The following SLC14A2 variants were observed in gnomAD, a reference collection of about 807,000 sequenced individuals.
The protein encoded by SLC14A2 is solute carrier family 14 member 2.
In SLC14A2, 91 loss-of-function variants were observed where a neutral mutation model predicts 104.6. The ratio of observed to expected loss-of-function variants is 0.87; its 90% CI spans 0.73 to 1.04. The LOEUF (loss-of-function observed/expected upper bound fraction) is 1.04. SLC14A2 is among the 50% of genes least tolerant of loss of function. SLC14A2 has a pLI of 0.00. For missense variants in SLC14A2, 1,189 were observed against 1,156.0 expected, an observed-to-expected ratio of 1.03 and a Z score of -0.41; for synonymous variants, 476 against 466.4, an observed-to-expected ratio of 1.02 and a Z score of -0.27.
chr18:45,191,803 A>G, the SLC14A2 span, among the ~76,000 whole-genome samples: 1 of 152,152 alleles, frequency 6.6e-6, no homozygotes. Context: ...AGTAATTGGG[A>G]GAAACCAGGT....
intron 1 of SLC14A2, among the ~76,000 whole-genome samples, chr18:45,306,227 C>T (rs1034358427): frequency 6.6e-6 from 1 of 152,174 alleles, no homozygotes; most frequent in Non-Finnish European, 1.5e-5. Context: ...GCAAGATGCA[C>T]AGCTCAGATT....
intron 1 of SLC14A2, among the ~76,000 whole-genome samples, chr18:45,229,132 A>G (rs1438647452): frequency 6.6e-6 from 1 of 152,304 alleles, no homozygotes; most frequent in East Asian, 1.9e-4. Flanking sequence ...AGACAAGCAC[A>G]CATCCTCAAT....
intron 1 of SLC14A2, among the ~76,000 whole-genome samples, chr18:45,619,609 G>A (rs2045132515): frequency 6.6e-6 from 1 of 152,168 alleles, no homozygotes; most frequent in Non-Finnish European, 1.5e-5. Context: ...AGGAGAGTCT[G>A]AGTGCGCCAA....
At chr18:45,358,052 C>T (rs937773296) in intron 1 of SLC14A2, among the ~76,000 whole-genome samples, 2 of 152,136 alleles carry the variant, frequency 1.3e-5, no homozygotes, top group African/African-American at 4.8e-5. Context: ...GAGAGAGAGG[C>T]AGAGCAGAGA....
chr18:45,374,702 A>G (rs34797783), intron 1 of SLC14A2, among the ~76,000 whole-genome samples: 3,459 of 152,268 alleles, frequency 0.023, 51 homozygotes, highest in Middle Eastern at 0.027. Flanking sequence ...GGATTATTTT[A>G]CTTTGTACAA....
At chr18:45,499,200 A>G (rs1292458610) in intron 2 of SLC14A2, among the ~76,000 whole-genome samples, 1 of 152,226 alleles carries the variant, frequency 6.6e-6, no homozygotes, top group Non-Finnish European at 1.5e-5. Context: ...GCAATGTTAG[A>G]GTCTCCCCAA....
chr18:45,273,887 GA>G (rs1326060805), intron 1 of SLC14A2, among the ~76,000 whole-genome samples: 6 of 152,078 alleles, frequency 3.9e-5, no homozygotes, highest in Non-Finnish European at 7.4e-5. Flanking sequence ...GAAGGGTGAA[GA>G]AAATTTAGAT....
intron 2 of SLC14A2, among the ~76,000 whole-genome samples, chr18:45,598,989 C>T (rs1452379736): frequency 3.3e-5 from 5 of 152,080 alleles, no homozygotes; most frequent in East Asian, 3.8e-4. Context: ...AATCATGTGC[C>T]GGTATATGCA....
chr18:45,398,620 T>C (rs2086062203), intron 1 of SLC14A2, among the ~76,000 whole-genome samples: 1 of 152,066 alleles, frequency 6.6e-6, no homozygotes, highest in Non-Finnish European at 1.5e-5. Flanking sequence ...TCAGCCACAA[T>C]AAGGAATGAA....
intron 1 of SLC14A2, among the ~76,000 whole-genome samples, chr18:45,345,076 A>G (rs1405475308): frequency 6.6e-6 from 1 of 152,136 alleles, no homozygotes; most frequent in African/African-American, 2.4e-5. Context: ...GAGTTTCACC[A>G]TGTTCTGCCC....
intron 1 of SLC14A2, among the ~76,000 whole-genome samples, chr18:45,622,805 G>A (rs2045196062): frequency 1.3e-5 from 2 of 152,182 alleles, no homozygotes; most frequent in South Asian, 2.1e-4. Flanking sequence ...AGGCCTTAGA[G>A]ACCACAGCAA....
At chr18:45,250,501 T>C (rs987994710) in intron 1 of SLC14A2, among the ~76,000 whole-genome samples, 1 of 152,178 alleles carries the variant, frequency 6.6e-6, no homozygotes, top group Non-Finnish European at 1.5e-5. Context: ...TGACTCTTGT[T>C]TTCTCTCTCA....
Position 45,470,229 on chromosome 18 carries a change from T to G in SLC14A2, c.-124-13004T>G, listed in dbSNP as rs199743262. ...TTGTGTCATTTACTGTTTTGAGCCC[T>G]GTACTCAACCTGTCTGATACATGCC... On this transcript the variant is annotated intron_variant, in intron 1 of 20. Transcript: ENST00000586448. Among the ~76,000 whole-genome samples the G allele has an allele frequency of 3.3e-5, 5 of 152,342 alleles. No homozygotes were observed. In the East Asian group the frequency reaches 9.6e-4, roughly 29 times the overall value.
intron 1 of SLC14A2, among the ~76,000 whole-genome samples, chr18:45,464,041 C>T (rs939419025): frequency 2.0e-5 from 3 of 152,166 alleles, no homozygotes; most frequent in South Asian, 2.1e-4. Flanking sequence ...GATACAAGAA[C>T]GCTAACGCCT....
At chr18:45,215,264 T>A (rs2143976507) in intron 1 of SLC14A2, among the ~76,000 whole-genome samples, 1 of 152,352 alleles carries the variant, frequency 6.6e-6, no homozygotes, top group South Asian at 2.1e-4. Flanking sequence ...TGTGCTGAGT[T>A]CTATTGTTAA....
intron 2 of SLC14A2, among the ~76,000 whole-genome samples, chr18:45,589,659 G>A (rs1460252297): frequency 1.3e-5 from 2 of 152,142 alleles, no homozygotes; most frequent in African/African-American, 2.4e-5. Flanking sequence ...TCAGCCTCCC[G>A]CTGAGCCGCC....
chr18:45,311,691 A>G (rs774321487), intron 1 of SLC14A2, among the ~76,000 whole-genome samples: 4 of 152,222 alleles, frequency 2.6e-5, no homozygotes, highest in Admixed American at 2.0e-4. Context: ...TTCTTGATTG[A>G]CAGCCACTGC....
chr18:45,634,689 A>G, intron 5 of SLC14A2: 2 of 382,654 alleles, frequency 5.2e-6, no homozygotes, highest in Non-Finnish European at 1.0e-5. Flanking sequence ...GATGAGAGTC[A>G]GACCAGGTAC....
chr18:45,264,458 A>C (rs1343921483), intron 1 of SLC14A2, among the ~76,000 whole-genome samples: 1 of 152,164 alleles, frequency 6.6e-6, no homozygotes, highest in Non-Finnish European at 1.5e-5. Flanking sequence ...AGTTCGTTTT[A>C]TCTTGAGCCT....
Sources: allele counts gnomAD v4.1 joint callset (sites outside exome capture counted in the v4.1 genomes callset), GRCh38; gene constraint gnomAD v4.1.1; transcripts MANE v1.5; gene names NCBI Gene and HGNC (gene_info 2026-07-23, HGNC 2026-07-21).